AR: variants seen among roughly 807,000 people sequenced by gnomAD.
AR encodes dihydrotestosterone receptor.
Under a neutral mutation model 53.9 loss-of-function variants are expected in AR, and 8 were observed. That is an observed-to-expected ratio of 0.15 (90% CI 0.09 to 0.27). The LOEUF is 0.27. Ranked by LOEUF, AR falls within the 10% of genes least tolerant of loss-of-function variation. The pLI, the probability that AR is intolerant of heterozygous loss-of-function variation, is 1.00. For missense variants in AR, 639 were observed against 742.5 expected (o/e 0.86, Z 1.62); for synonymous variants, 359 against 316.4 (o/e 1.13, Z -1.43).
chrX:67,676,245 A>G (rs1251408804), intron 2 of AR, among the ~76,000 whole-genome samples: 9 of 111,528 alleles, frequency 8.1e-5, no homozygotes, highest in Non-Finnish European at 1.9e-5. Flanking sequence ...AAATCACTCC[A>G]CTGTTTTCTT....
intron 1 of AR, among the ~76,000 whole-genome samples, chrX:67,602,229 T>C (rs966397073): frequency 8.9e-6 from 1 of 112,065 alleles, no homozygotes. Flanking sequence ...TACAAAAATA[T>C]TTTTACCCGG....
intron 1 of AR, among the ~76,000 whole-genome samples, chrX:67,619,146 T>C (rs1924253308): frequency 1.8e-5 from 2 of 111,427 alleles, no homozygotes; most frequent in African/African-American, 6.5e-5. Flanking sequence ...TTATGACCAC[T>C]GCTGTAAGCC....
chrX:67,570,507 A>G (rs1921768219), intron 1 of AR, among the ~76,000 whole-genome samples: 1 of 111,841 alleles, frequency 8.9e-6, no homozygotes, highest in Non-Finnish European at 1.9e-5. Flanking sequence ...TTGTGTGTAG[A>G]GAATCCTTGA....
At chrX:67,671,155 C>G (rs2075862901) in intron 2 of AR, among the ~76,000 whole-genome samples, 1 of 111,918 alleles carries the variant, frequency 8.9e-6, no homozygotes, top group Non-Finnish European at 1.9e-5. Context: ...ATTTCTGGTT[C>G]TAGATCCTTA....
intron 2 of AR, among the ~76,000 whole-genome samples, chrX:67,669,699 A>G (rs1258015984): frequency 9.0e-6 from 1 of 110,710 alleles, no homozygotes; most frequent in African/African-American, 3.3e-5. Flanking sequence ...CTCTGATAAT[A>G]TTTGCTTTAG....
chrX:67,619,252 G>T (rs1433916467), intron 1 of AR, among the ~76,000 whole-genome samples: 1 of 111,551 alleles, frequency 9.0e-6, no homozygotes, highest in Non-Finnish European at 1.9e-5. Flanking sequence ...ATGGACTGGA[G>T]AGGATCAGAC....
intron 1 of AR, 28 bp from the exon 2 acceptor site, chrX:67,643,228 G>A (rs1180358893): frequency 8.3e-7 from 1 of 1,210,699 alleles, no homozygotes; most frequent in African/African-American, 1.7e-5. Context: ...AGTGACATGT[G>A]TTGCATTGGT....
At chrX:67,626,231 G>T (rs760829950) in intron 1 of AR, among the ~76,000 whole-genome samples, 2 of 109,692 alleles carry the variant, frequency 1.8e-5, no homozygotes, top group Non-Finnish European at 3.8e-5. Flanking sequence ...GCTACACTTC[G>T]TAGCATCTGG....
chrX:67,725,629 A>G lies in AR; in HGVS notation c.*1788A>G, dbSNP rs188374642. The G allele has an allele frequency of 3.5e-5, 6 of 173,906 alleles. No individual in the cohort carries two copies. Among genetic ancestry groups the G allele is most frequent in the Non-Finnish European group, 5.5e-5 (5 of 91,406 alleles). 14.3% of individuals were successfully genotyped at this position (173,906 alleles called of 1,213,427 possible). A position where few individuals can be genotyped will look rare whatever the true frequency, so the allele number is the denominator to read the frequency against. ...CGGCAAAGCCTAAAGCCAGATGGAC[A>G]CCATCTGGTGAGTTTACTCATCATC... On this transcript the variant is annotated 3_prime_UTR_variant, in exon 8 of 8. Coordinates refer to ENST00000374690, the MANE Select transcript of AR (RefSeq NM_000044.6).
intron 3 of AR, among the ~76,000 whole-genome samples, chrX:67,707,233 A>T (rs2076072502): frequency 9.0e-6 from 1 of 111,641 alleles, no homozygotes; most frequent in African/African-American, 3.3e-5. Flanking sequence ...TAATGTTGAC[A>T]GTGGGGTGTT....
intron 1 of AR, among the ~76,000 whole-genome samples, chrX:67,557,176 G>A (rs947671315): frequency 9.0e-6 from 1 of 111,260 alleles, no homozygotes; most frequent in Non-Finnish European, 1.9e-5. Flanking sequence ...GTACACTGCA[G>A]TGATCTGGGT....
chrX:67,627,405 GT>G (rs1225951959), intron 1 of AR, among the ~76,000 whole-genome samples: 1 of 112,175 alleles, frequency 8.9e-6, no homozygotes, highest in Admixed American at 9.4e-5. Context: ...TTTTTCATGT[GT>G]TTTTTGGGTG....
intron 1 of AR, among the ~76,000 whole-genome samples, chrX:67,614,685 G>A (rs1924032528): frequency 9.0e-6 from 1 of 110,829 alleles, no homozygotes; most frequent in Non-Finnish European, 1.9e-5. Context: ...AAAGAATGAG[G>A]AAAGTATGAC....
intron 2 of AR, among the ~76,000 whole-genome samples, chrX:67,663,066 G>T (rs1040119134): frequency 9.0e-5 from 10 of 111,638 alleles, no homozygotes; most frequent in Admixed American, 1.9e-4. Context: ...GATGGGTCTT[G>T]TCTCTTTATC....
At chrX:67,562,356 A>G (rs1037518427) in intron 1 of AR, among the ~76,000 whole-genome samples, 30 of 95,040 alleles carry the variant, frequency 3.2e-4, no homozygotes, top group Admixed American at 6.8e-4. Context: ...TATGGTGTAT[A>G]TGTGTGTGTG....
intron 1 of AR, among the ~76,000 whole-genome samples, chrX:67,549,449 G>A (rs1237760236): frequency 8.9e-6 from 1 of 111,878 alleles, no homozygotes; most frequent in African/African-American, 3.3e-5. Flanking sequence ...AAGATGCAAA[G>A]GTGGTCTCTT....
rs1185815324 is a variant in AR at position 67,728,389 on chromosome X, A to G, written c.*4548A>G. The stretch of plus-strand genomic sequence containing the variant: ...TGTTTGCTAGTGCCCATGTTAGCTT[A>G]TCTGAAGATGTGAAACCCTTGCTGA... On this transcript the variant is annotated 3_prime_UTR_variant, in exon 8 of 8. Coordinates refer to ENST00000374690, the MANE Select transcript of AR (RefSeq NM_000044.6). 1 of 154,890 alleles carries G rather than the reference A, an allele frequency of 6.5e-6. No individual in the cohort carries two copies. Among genetic ancestry groups the G allele is most frequent in the Non-Finnish European group, 1.2e-5 (1 of 81,475 alleles). The allele number at this position is 154,890 out of a possible 1,213,427, so 12.8% of individuals were successfully genotyped here.
At position 67,728,088 on chromosome X, in the gene AR, G is replaced by T. The variant is rs1196597815; in HGVS notation, c.*4247G>T. On this transcript the variant is annotated 3_prime_UTR_variant, in exon 8 of 8. Transcript: ENST00000374690. ...AGATACCAAAATTCATAAGGGCAGG[G>T]GGGGAGCAAGCATTAGTGCCTCTTT... 1 of 172,374 alleles carries T rather than the reference G, an allele frequency of 5.8e-6. No homozygotes were observed. The allele number at this position is 172,374 out of a possible 1,213,427, so 14.2% of individuals were successfully genotyped here.
intron 1 of AR, chrX:67,569,122 T>C: frequency 4.3e-6 from 4 of 937,519 alleles, no homozygotes; most frequent in Non-Finnish European, 6.0e-6. Context: ...CATGACATTA[T>C]CTATTAGGCA....
Sources: allele counts gnomAD v4.1 joint callset (sites outside exome capture counted in the v4.1 genomes callset), GRCh38; gene constraint gnomAD v4.1.1; transcripts MANE v1.5; gene names NCBI Gene and HGNC (gene_info 2026-07-23, HGNC 2026-07-21).